DOCK10: variants seen among roughly 807,000 people sequenced by gnomAD.
DOCK10 encodes dedicator of cytokinesis 10.
A neutral mutation model predicts 280.1 loss-of-function variants in DOCK10; 145 were observed. The ratio of observed to expected loss-of-function variants is 0.52; its 90% CI spans 0.45 to 0.59. The LOEUF (loss-of-function observed/expected upper bound fraction) is 0.59, where lower values mean the gene tolerates loss of function less well. Ranked by LOEUF, DOCK10 falls within the 20% of genes least tolerant of loss-of-function variation. The pLI is 0.00. For missense variants in DOCK10, 2,368 were observed against 2,651.7 expected (o/e 0.89, Z 2.35); for synonymous variants, 915 against 942.2 (o/e 0.97, Z 0.53).
chr2:224,978,133 G>C (rs1575142264), intron 1 of DOCK10, among the ~76,000 whole-genome samples: 2 of 152,204 alleles, frequency 1.3e-5, no homozygotes, highest in South Asian at 4.1e-4. Context: ...GGTACTAATG[G>C]AGCAAGAAGG....
chr2:224,860,034 T>C (rs1208934250), intron 14 of DOCK10, among the ~76,000 whole-genome samples: 1 of 152,256 alleles, frequency 6.6e-6, no homozygotes, highest in Non-Finnish European at 1.5e-5. Context: ...AAATCACATA[T>C]GTATATACAC....
intron 1 of DOCK10, among the ~76,000 whole-genome samples, chr2:224,985,050 C>T (rs1289828860): frequency 2.0e-5 from 3 of 152,010 alleles, no homozygotes; most frequent in East Asian, 1.9e-4. Context: ...GGTATAAACT[C>T]TTCAGCAGGT....
intron 1 of DOCK10, among the ~76,000 whole-genome samples, chr2:224,999,006 G>A (rs1022888080): frequency 1.3e-5 from 2 of 152,136 alleles, no homozygotes; most frequent in Admixed American, 1.3e-4. Context: ...GGCCAATATG[G>A]TGAAACCTCG....
intron 2 of DOCK10, among the ~76,000 whole-genome samples, chr2:224,918,992 GT>G (rs956321826): frequency 6.3e-5 from 9 of 143,778 alleles, no homozygotes; most frequent in Non-Finnish European, 7.6e-5. Context: ...TTTGTGGTAA[GT>G]GTATGTGTAT....
chr2:224,793,210 C>T (rs957379027), intron 46 of DOCK10, 138 bp from the exon 47 acceptor site: 9 of 833,332 alleles, frequency 1.1e-5, no homozygotes, highest in African/African-American at 1.0e-4. Context: ...CTTTGCTGTA[C>T]ATAGAATAAA....
At chr2:224,961,468 T>TTCTTTCTTTCTTTCTTTCTTTTTC (rs10672849) in intron 1 of DOCK10, among the ~76,000 whole-genome samples, 5 of 66,614 alleles carry the variant, frequency 7.5e-5, no homozygotes, top group African/African-American at 3.6e-4. Context: ...CTTTCTTTCT[T>TTCTTTCTTTCTTTCTTTCTTTTTC]TTTCTTTCTT....
chr2:224,924,197 T>C (rs1294575507), intron 2 of DOCK10, among the ~76,000 whole-genome samples: 1 of 152,226 alleles, frequency 6.6e-6, no homozygotes. Context: ...AACCATCTAA[T>C]TGAGATATAA....
chr2:224,792,339 A>G (rs1018711666), intron 47 of DOCK10, among the ~76,000 whole-genome samples: 32 of 152,008 alleles, frequency 2.1e-4, no homozygotes, highest in African/African-American at 7.7e-4. Context: ...GCTGGTGTAC[A>G]GTGGTGCTAT....
At chr2:224,833,493 T>G (rs1695388956) in intron 26 of DOCK10, among the ~76,000 whole-genome samples, 1 of 151,968 alleles carries the variant, frequency 6.6e-6, no homozygotes, top group African/African-American at 2.4e-5. Context: ...CAAATTTTTT[T>G]TTTTTTTGCT....
At chr2:224,837,886 T>G in intron 24 of DOCK10, 55 bp from the exon 25 acceptor site, 1 of 1,382,998 alleles carries the variant, frequency 7.2e-7, no homozygotes, top group South Asian at 1.2e-5. Flanking sequence ...AAAACCCCGC[T>G]TTAGTTTGTC....
intron 1 of DOCK10, 41 bp from the exon 2 acceptor site, chr2:224,931,709 C>G: frequency 1.3e-6 from 2 of 1,539,308 alleles, no homozygotes; most frequent in Non-Finnish European, 1.8e-6. Context: ...CTGACATACA[C>G]CATCTCCCTT....
intron 1 of DOCK10, among the ~76,000 whole-genome samples, chr2:224,985,587 GA>G (rs1705951508): frequency 1.4e-5 from 2 of 143,222 alleles, no homozygotes; most frequent in Middle Eastern, 3.7e-3. Context: ...CATGTAGGAA[GA>G]AAAAGTAAGG....
intron 1 of DOCK10, among the ~76,000 whole-genome samples, chr2:224,959,326 TA>T (rs1229801505): frequency 7.2e-5 from 11 of 152,112 alleles, no homozygotes; most frequent in Non-Finnish European, 1.5e-4. Flanking sequence ...AAGCTTTTTT[TA>T]AAAAAACTCT....
chr2:224,977,393 G>A (rs1244970105), intron 1 of DOCK10, among the ~76,000 whole-genome samples: 1 of 152,116 alleles, frequency 6.6e-6, no homozygotes, highest in Non-Finnish European at 1.5e-5. Context: ...ACTCCAAAGT[G>A]TGAACAGAAA....
chr2:224,931,930 T>C (rs1437947082), intron 1 of DOCK10, among the ~76,000 whole-genome samples: 1 of 152,248 alleles, frequency 6.6e-6, no homozygotes, highest in Non-Finnish European at 1.5e-5. Flanking sequence ...AGGCTCATGA[T>C]ACCCAGCCCT....
intron 1 of DOCK10, among the ~76,000 whole-genome samples, chr2:224,977,980 C>T (rs1425664763): frequency 1.3e-5 from 2 of 152,182 alleles, no homozygotes; most frequent in African/African-American, 2.4e-5. Flanking sequence ...CTTTCTTCAT[C>T]CTTAACTCAC....
intron 1 of DOCK10, among the ~76,000 whole-genome samples, chr2:225,002,641 G>A (rs748201494): frequency 1.3e-5 from 2 of 152,194 alleles, no homozygotes; most frequent in Non-Finnish European, 2.9e-5. Context: ...GCCATGCCAC[G>A]AGGAGCTAGT....
intron 33 of DOCK10, among the ~76,000 whole-genome samples, chr2:224,806,994 C>T (rs561065048): frequency 5.9e-5 from 9 of 152,176 alleles, no homozygotes; most frequent in African/African-American, 2.2e-4. Flanking sequence ...CATAAAGACA[C>T]TGTGATTTAG....
chr2:225,030,909 C>T (rs758849208), intron 1 of DOCK10, among the ~76,000 whole-genome samples: 6 of 152,132 alleles, frequency 3.9e-5, no homozygotes, highest in Admixed American at 6.5e-5. Flanking sequence ...TCCTCTGGAA[C>T]GTGCCTCAGA....
Sources: gnomAD v4.1 joint callset for allele counts (sites outside exome capture counted in the v4.1 genomes callset) on GRCh38, gnomAD v4.1.1 for gene constraint, MANE v1.5 for transcripts, NCBI Gene and HGNC (gene_info 2026-07-23, HGNC 2026-07-21) for gene names.